SHANK2: variants seen among roughly 807,000 people sequenced by gnomAD.
SHANK2 encodes the protein SH3 and multiple ankyrin repeat domains protein 2.
In SHANK2, 43 loss-of-function variants were observed where a neutral mutation model predicts 133.7. The ratio of observed to expected loss-of-function variants is 0.32; its 90% confidence interval spans 0.25 to 0.41. The LOEUF (loss-of-function observed/expected upper bound fraction) is 0.41, where lower values mean the gene tolerates loss of function less well. Among genes scored for constraint, SHANK2 ranks in the 10% least tolerant of loss-of-function variants. The probability of loss-of-function intolerance (pLI) is 1.00; values close to 1 mark genes in which losing one functional copy is unlikely to be tolerated. For missense variants in SHANK2, 1,994 were observed against 2,235.8 expected (o/e 0.89, Z 2.18); for synonymous variants, 1,017 against 952.8 (o/e 1.07, Z -1.24).
At chr11:70,779,847 C>G (rs551072836) in intron 14 of SHANK2, among the ~76,000 whole-genome samples, 1 of 152,218 alleles carries the variant, frequency 6.6e-6, no homozygotes, top group South Asian at 2.1e-4. Flanking sequence ...ATCTTCCCTA[C>G]ACCCCTGACC....
At chr11:70,930,368 A>G (rs1804700638) in intron 10 of SHANK2, among the ~76,000 whole-genome samples, 1 of 152,180 alleles carries the variant, frequency 6.6e-6, no homozygotes, top group South Asian at 2.1e-4. Context: ...TTGATAGTCA[A>G]CCTTTAGACG....
intron 2 of SHANK2, among the ~76,000 whole-genome samples, chr11:71,152,916 C>T (rs1294948054): frequency 6.6e-6 from 1 of 152,138 alleles, no homozygotes; most frequent in Non-Finnish European, 1.5e-5. Flanking sequence ...GGAGAGCCAC[C>T]AGGCAAGGCA....
intron 14 of SHANK2, among the ~76,000 whole-genome samples, chr11:70,700,301 G>C (rs1191798546): frequency 6.6e-6 from 1 of 152,128 alleles, no homozygotes; most frequent in Non-Finnish European, 1.5e-5. Context: ...TGTTGCCCGA[G>C]TATTCAATAG....
chr11:70,537,356 T>C (rs1423095810), intron 17 of SHANK2, among the ~76,000 whole-genome samples: 1 of 152,230 alleles, frequency 6.6e-6, no homozygotes, highest in Non-Finnish European at 1.5e-5. Context: ...TGTAATTATG[T>C]TTCTCAACAG....
At position 70,473,103 on chromosome 11, in the gene SHANK2, T is replaced by C; in HGVS notation, c.5316A>G (p.Pro1772=). 2 of 1,614,244 alleles carry C rather than the reference T, an allele frequency of 1.2e-6. No individual in the cohort carries two copies. Among genetic ancestry groups the C allele is most frequent in the South Asian group, 1.1e-5 (1 of 91,088 alleles). Residue 1772 remains proline, a synonymous_variant, in exon 26 of 26, where the codon CCA becomes CCG. Transcript: ENST00000601538. This position sits in a 1 kb window ranked among gnomAD's most constrained non-coding sequence, Gnocchi z 5.9. ...RSPSPSILQQ[P]ISNKPFTTKP... ...TAGTTGTAAAAGGCTTATTTGAGAT[T>C]GGCTGTTGCAGTATCGAGGGGGATG...
At chr11:71,079,395 G>A (rs1590888915) in intron 8 of SHANK2, among the ~76,000 whole-genome samples, 1 of 152,202 alleles carries the variant, frequency 6.6e-6, no homozygotes, top group East Asian at 1.9e-4. Flanking sequence ...GAGGGCATAT[G>A]GGAGTTCCTT....
intron 10 of SHANK2, among the ~76,000 whole-genome samples, chr11:70,917,822 T>C (rs1481231235): frequency 1.3e-5 from 2 of 151,808 alleles, no homozygotes; most frequent in African/African-American, 4.8e-5. Context: ...CATGGACACA[T>C]AGAGAAAAAC....
chr11:70,720,555 C>T (rs565494276), intron 14 of SHANK2, among the ~76,000 whole-genome samples: 16 of 152,346 alleles, frequency 1.1e-4, no homozygotes, highest in Admixed American at 2.6e-4. Flanking sequence ...TCCACTCATC[C>T]GTCACACCCC....
intron 11 of SHANK2, among the ~76,000 whole-genome samples, chr11:70,862,368 G>T (rs1949273135): frequency 6.6e-6 from 1 of 152,260 alleles, no homozygotes; most frequent in Admixed American, 6.5e-5. Flanking sequence ...AGAATGTGGA[G>T]CCTGGCTGGG....
chr11:70,558,201 C>T (rs2059858458), intron 17 of SHANK2, among the ~76,000 whole-genome samples: 2 of 152,212 alleles, frequency 1.3e-5, no homozygotes, highest in South Asian at 2.1e-4. Context: ...CCCTGGCCCC[C>T]CGACTGGAGG....
chr11:70,562,342 T>G (rs2136134995), intron 17 of SHANK2, among the ~76,000 whole-genome samples: 1 of 152,380 alleles, frequency 6.6e-6, no homozygotes, highest in East Asian at 1.9e-4. Context: ...CCCGGCTGAC[T>G]TTCTGTACAC....
intron 17 of SHANK2, among the ~76,000 whole-genome samples, chr11:70,579,860 G>A (rs534344875): frequency 1.3e-5 from 2 of 152,328 alleles, no homozygotes; most frequent in South Asian, 4.1e-4. Context: ...GGTGAGGATG[G>A]AAGCAGAAGT....
Position 71,076,251 on chromosome 11 carries a change from C to T in SHANK2, c.913-976G>A, listed in dbSNP as rs921691703. ...ACCTAACACATCTCAATCCCAGGGTCGGGAGGGAAAGAGGTGAGCCCCACC... is the reference window on the plus strand; with the variant it reads ...ACCTAACACATCTCAATCCCAGGGTTGGGAGGGAAAGAGGTGAGCCCCACC... On this transcript the variant is annotated intron_variant, in intron 8 of 25. Transcript: ENST00000601538. Among the ~76,000 whole-genome samples the T allele has an allele frequency of 5.9e-5, 9 of 152,184 alleles. No individual in the cohort carries two copies. In the East Asian group the frequency reaches 1.5e-3, roughly 26 times the overall value.
chr11:70,737,908 C>T (rs1437997397), intron 14 of SHANK2, among the ~76,000 whole-genome samples: 2 of 152,240 alleles, frequency 1.3e-5, no homozygotes, highest in Non-Finnish European at 2.9e-5. Context: ...CCAGGGTGAG[C>T]ATGTGTGACA....
Position 70,486,222 on chromosome 11 carries a change from A to G in SHANK2, c.4071T>C (p.Gly1357=). 1 of 1,613,776 alleles carries G rather than the reference A, an allele frequency of 6.2e-7. No individual in the cohort carries two copies. The highest frequency in any genetic ancestry group is 8.5e-7 in the Non-Finnish European group (1 of 1,179,946). The change falls in exon 25 of 26, where the codon GGT becomes GGC. Residue 1357 remains glycine, a synonymous_variant. Transcript: ENST00000601538. This position sits in a 1 kb window ranked among gnomAD's most constrained non-coding sequence, Gnocchi z 8.0. The part of the protein sequence containing the change: ...EVPEGVSETE[G]ALQISAAPEP... ...CGGGGGCAGCGGAGATCTGTAAAGCACCTTCGGTTTCGGAAACACCTTCTG... is the reference window on the plus strand; with the variant it reads ...CGGGGGCAGCGGAGATCTGTAAAGCGCCTTCGGTTTCGGAAACACCTTCTG...
intron 17 of SHANK2, among the ~76,000 whole-genome samples, chr11:70,577,711 C>T (rs1278546528): frequency 6.7e-6 from 1 of 149,826 alleles, no homozygotes; most frequent in Non-Finnish European, 1.5e-5. Context: ...GCCCTGGCTG[C>T]ACTGTACCCC....
At chr11:70,741,035 C>T (rs80072832) in intron 14 of SHANK2, among the ~76,000 whole-genome samples, 1 of 152,328 alleles carries the variant, frequency 6.6e-6, no homozygotes, top group African/African-American at 2.4e-5. Context: ...CATTCAACTT[C>T]CGCTCATCCC....
At chr11:70,537,302 C>T (rs1015004745) in intron 17 of SHANK2, among the ~76,000 whole-genome samples, 15 of 152,204 alleles carry the variant, frequency 9.9e-5, no homozygotes, top group Admixed American at 5.9e-4. Context: ...TCCTAGTCCC[C>T]GGAACCTGTG....
intron 11 of SHANK2, among the ~76,000 whole-genome samples, chr11:70,853,478 C>T (rs1345533288): frequency 1.3e-5 from 2 of 152,302 alleles, no homozygotes; most frequent in South Asian, 2.1e-4. Context: ...TGGGTGCAGC[C>T]TTAAGCGTCT....
Sources: gnomAD v4.1 joint callset for allele counts (sites outside exome capture counted in the v4.1 genomes callset) on GRCh38, gnomAD v4.1.1 for gene constraint, Gnocchi (gnomAD v3.1) non-coding constraint, MANE v1.5 for transcripts, NCBI Gene and HGNC (gene_info 2026-07-23, HGNC 2026-07-21) for gene names.